DMRTA2: variants seen among roughly 807,000 people sequenced by gnomAD.
DMRTA2 encodes the protein DMRT like family A2, also known as doublesex- and mab-3-related transcription factor A2.
DMRTA2 carries 10 observed loss-of-function variants against 29.7 expected under a neutral mutation model. The observed-to-expected ratio is 0.34, with a 90% CI of 0.21 to 0.57. The LOEUF (loss-of-function observed/expected upper bound fraction) is 0.57. DMRTA2 is among the 20% of genes least tolerant of loss of function. The probability of loss-of-function intolerance (pLI) is 0.87; values close to 1 mark genes in which losing one functional copy is unlikely to be tolerated. For synonymous variants in DMRTA2, 469 were observed against 402.6 expected (o/e 1.16, Z -1.97); for missense variants, 783 against 812.1 (o/e 0.96, Z 0.44).
rs1646037616 is a variant in DMRTA2 at position 50,421,418 on chromosome 1, G to A, written c.119C>T (p.Ala40Val). 3 of 1,373,674 alleles carry A rather than the reference G, an allele frequency of 2.2e-6. No homozygotes were observed. The highest frequency in any genetic ancestry group is 2.8e-6 in the Non-Finnish European group (3 of 1,064,940). 85.1% of individuals were successfully genotyped at this position (1,373,674 alleles called of 1,614,324 possible). A position where few individuals can be genotyped will look rare whatever the true frequency, so the allele number is the denominator to read the frequency against. Residue 40 changes from alanine to valine, a missense_variant, in exon 2 of 3, where the codon GCA becomes GTA. This residue lies in a region of DMRTA2 where 76 missense variants were observed against 152.6 expected (regional missense o/e 0.50). Transcript: ENST00000404795. This position sits in a 1 kb window ranked among gnomAD's most constrained non-coding sequence, Gnocchi z 8.7. ...GCCTGCCACGCTCACCGGTAGCGAT[G>A]CAGCGGCCGCCGCGGCTGCCGCCAC... ...ASVAAAAAAA[A>V]SLPVSVAGGL...
rs373174538 is a variant in DMRTA2 at position 50,419,226 on chromosome 1, C to A, written c.1068G>T (p.Gly356=). The change falls in exon 3 of 3, where the codon GGG becomes GGT. Residue 356 remains glycine, a synonymous_variant. Coordinates refer to ENST00000404795, the MANE Select transcript of DMRTA2 (RefSeq NM_032110.3). This position sits in a 1 kb window ranked among gnomAD's most constrained non-coding sequence, Gnocchi z 6.1. Reference sequence around the variant, plus strand: ...CAGGGCCCAGGCCGGCCGCCAGGCCCCCACGGTGGTGGTTCAGCACCTGCT... The same window carrying A: ...CAGGGCCCAGGCCGGCCGCCAGGCCACCACGGTGGTGGTTCAGCACCTGCT... ...AIEQVLNHHR[G]GLAAGLGPAA... is the part of the protein sequence containing the mutation. 10 of 1,506,440 alleles carry A rather than the reference C, an allele frequency of 6.6e-6. No individual in the cohort carries two copies. In the African/African-American group the frequency reaches 1.4e-4, roughly 22 times the overall value. The allele number at this position is 1,506,440 out of a possible 1,614,324, so 93.3% of individuals were successfully genotyped here.
Position 50,421,382 on chromosome 1 carries a change from C to T in DMRTA2, c.155G>A (p.Arg52Gln), listed in dbSNP as rs1043992157. 6.4e-5 allele frequency: 96 copies of T among 1,493,550 alleles called. No homozygotes were observed. The highest frequency in any genetic ancestry group is 7.4e-5 in the Non-Finnish European group (83 of 1,122,974). 92.5% of individuals were successfully genotyped at this position (1,493,550 alleles called of 1,614,324 possible). A position where few individuals can be genotyped will look rare whatever the true frequency, so the allele number is the denominator to read the frequency against. The change falls in exon 2 of 3, where the codon CGG becomes CAG. Residue 52 changes from arginine (R) to glutamine (Q), a missense_variant. By Grantham distance (43) the Arg-to-Gln change is conservative. This residue lies in a region of DMRTA2 where 76 missense variants were observed against 152.6 expected (regional missense o/e 0.50). Coordinates refer to ENST00000404795, the MANE Select transcript of DMRTA2 (RefSeq NM_032110.3). This position sits in a 1 kb window ranked among gnomAD's most constrained non-coding sequence, Gnocchi z 8.7. ...TGCCCGCAGCAACAGTGGCGGCCCC[C>T]GCAGCAAGCCGCCTGCCACGCTCAC... ...LPVSVAGGLL[R>Q]GPPLLLRAAE... is the part of the protein sequence containing the mutation.
At position 50,421,448 on chromosome 1, in the gene DMRTA2, G is replaced by A; in HGVS notation, c.89C>T (p.Ala30Val). The A allele has an allele frequency of 7.5e-7, 1 of 1,324,942 alleles. No individual in the cohort carries two copies. Among genetic ancestry groups the A allele is most frequent in the Non-Finnish European group, 9.6e-7 (1 of 1,042,902 alleles). The allele number at this position is 1,324,942 out of a possible 1,614,324, so 82.1% of individuals were successfully genotyped here. The change falls in exon 2 of 3, where the codon GCG (alanine) becomes GTG (valine). Residue 30 changes from alanine (A) to valine (V), a missense_variant. By Grantham distance (64) the Ala-to-Val change is moderately conservative (BLOSUM62 0). Coordinates refer to ENST00000404795, the MANE Select transcript of DMRTA2 (RefSeq NM_032110.3). The surrounding 1 kb of genome is among the most constrained non-coding windows in gnomAD (Gnocchi z 8.7). ...GGCCGCCGCGGCTGCCGCCACCGAC[G>A]CCACCGACGCCACAGGCGGCCCCGT... is the stretch of plus-strand genomic sequence containing the variant. ...TATGPPVASV[A>V]SVAAAAAAAA... is the part of the protein sequence containing the mutation.
rs771076492 is a variant in DMRTA2 at position 50,418,833 on chromosome 1, G to A, written c.1461C>T (p.Ser487=). ...CGAGCGTGGGCACCAAGCCGGCAGT[G>A]GAGTAGGGCGCCATGAAGGCCAGAC... The part of the protein sequence containing the change: ...SRGLAFMAPY[S]TAGLVPTLGF... The change falls in exon 3 of 3, where the codon TCC becomes TCT. Residue 487 remains serine, a synonymous_variant. Coordinates refer to ENST00000404795, the MANE Select transcript of DMRTA2 (RefSeq NM_032110.3). 1.3e-6 allele frequency: 2 copies of A among 1,581,272 alleles called. No individual in the cohort carries two copies. The highest frequency in any genetic ancestry group is 8.6e-7 in the Non-Finnish European group (1 of 1,167,182).
Position 50,421,101 on chromosome 1 carries a change from C to T in DMRTA2, c.436G>A (p.Gly146Ser). ...TAGGCGGGCCTCGGGGGGATGATGC[C>T]GTTGGCGGCGGCCAGCGCCAGCCCC... ...AEGLALAAAN[G>S]IIPPRPAYEV... The change falls in exon 2 of 3, where the codon GGC (glycine) becomes AGC (serine). Residue 146 changes from glycine to serine, a missense_variant. Transcript: ENST00000404795. This position sits in a 1 kb window ranked among gnomAD's most constrained non-coding sequence, Gnocchi z 8.7. 6.6e-7 allele frequency: 1 copy of T among 1,524,490 alleles called. No homozygotes were observed. 94.4% of individuals were successfully genotyped at this position (1,524,490 alleles called of 1,614,324 possible). A position where few individuals can be genotyped will look rare whatever the true frequency, so the allele number is the denominator to read the frequency against.
chr1:50,418,914 C>T lies in DMRTA2; in HGVS notation c.1380G>A (p.Pro460=). ...CCAGGCGCAGGGGGCTGAGGCCGAG[C>T]GGCGCGCCCAGCGGGTAGGCGCCCG... ...ADAGAYPLGA[P]LGLSPLRLAY... is the part of the protein sequence containing the mutation. The change falls in exon 3 of 3, where the codon CCG becomes CCA. Residue 460 remains proline, a synonymous_variant. Transcript: ENST00000404795. The T allele has an allele frequency of 1.4e-6, 2 of 1,440,234 alleles. No homozygotes were observed. Among genetic ancestry groups the T allele is most frequent in the South Asian group, 2.9e-5 (2 of 68,250 alleles). The allele number at this position is 1,440,234 out of a possible 1,614,324, so 89.2% of individuals were successfully genotyped here.
In DMRTA2 at chr1:50,419,130, G is replaced by A. The variant is rs1452063057; in HGVS notation, c.1164C>T (p.Asp388=). The change falls in exon 3 of 3, where the codon GAC becomes GAT. Residue 388 remains aspartate, a synonymous_variant. Coordinates refer to ENST00000404795, the MANE Select transcript of DMRTA2 (RefSeq NM_032110.3). The surrounding 1 kb of genome is among the most constrained non-coding windows in gnomAD (Gnocchi z 6.1). ...AADDAWPSRV[D]AAAAAAAAAG... ...CGGCGGCGGCGGCGGCGGCGGCGGC[G>A]TCGACGCGGCTGGGCCACGCGTCGT... is the stretch of plus-strand genomic sequence containing the variant. The A allele has an allele frequency of 2.5e-6, 3 of 1,191,970 alleles. No homozygotes were observed. The highest frequency in any genetic ancestry group is 3.6e-5 in the East Asian group (1 of 27,688). The allele number at this position is 1,191,970 out of a possible 1,614,324, so 73.8% of individuals were successfully genotyped here. A position where few individuals can be genotyped will look rare whatever the true frequency, so the allele number is the denominator to read the frequency against.
chr1:50,421,500 C>G lies in DMRTA2; in HGVS notation c.37G>C (p.Ala13Pro). The G allele has an allele frequency of 7.9e-7, 1 of 1,271,958 alleles. No individual in the cohort carries two copies. The highest frequency in any genetic ancestry group is 9.8e-7 in the Non-Finnish European group (1 of 1,015,412). The allele number at this position is 1,271,958 out of a possible 1,614,324, so 78.8% of individuals were successfully genotyped here. ...LRSELPSVPG[A>P]ATAAAATATG... ...GCTGTTGCCGCCGCCGCCGTCGCCG[C>G]GCCGGGCACGCTGGGCAGCTCCGAG... Residue 13 changes from alanine to proline, a missense_variant, in exon 2 of 3, where the codon GCG becomes CCG. Ala to Pro is a conservative substitution (Grantham distance 27, BLOSUM62 -1). Transcript: ENST00000404795. The surrounding 1 kb of genome is among the most constrained non-coding windows in gnomAD (Gnocchi z 8.7).
chr1:50,421,438 C>T lies in DMRTA2; in HGVS notation c.99G>A (p.Ala33=). 1.5e-6 allele frequency: 2 copies of T among 1,321,710 alleles called. No individual in the cohort carries two copies. The highest frequency in any genetic ancestry group is 1.9e-6 in the Non-Finnish European group (2 of 1,040,652). The allele number at this position is 1,321,710 out of a possible 1,614,324, so 81.9% of individuals were successfully genotyped here. The part of the protein sequence containing the change: ...GPPVASVASV[A]AAAAAAASLP... ...GCGATGCAGCGGCCGCCGCGGCTGC[C>T]GCCACCGACGCCACCGACGCCACAG... Residue 33 remains alanine (A), a synonymous_variant, in exon 2 of 3, where the codon GCG becomes GCA. Transcript: ENST00000404795. The surrounding 1 kb of genome is among the most constrained non-coding windows in gnomAD (Gnocchi z 8.7).
rs1362163258 is a variant in DMRTA2 at position 50,421,231 on chromosome 1, G to T, written c.306C>A (p.Ile102=). Residue 102 remains isoleucine (I), a synonymous_variant, in exon 2 of 3, where the codon ATC becomes ATA. Coordinates refer to ENST00000404795, the MANE Select transcript of DMRTA2 (RefSeq NM_032110.3). This position sits in a 1 kb window ranked among gnomAD's most constrained non-coding sequence, Gnocchi z 8.7. ...CCGCCATGACACGCTGGCGCTCCGC[G>T]ATGAGCGTGCACTTGGCGCACAGGC... The part of the protein sequence containing the change: ...KDCLCAKCTL[I]AERQRVMAAQ... 6 of 1,537,276 alleles carry T rather than the reference G, an allele frequency of 3.9e-6. No individual in the cohort carries two copies. The highest frequency in any genetic ancestry group is 5.3e-6 in the Non-Finnish European group (6 of 1,141,512).
chr1:50,421,488 C>CCGCCGT lies in DMRTA2; in HGVS notation c.43_48dup (p.Thr15_Ala16dup). On this transcript the variant is annotated inframe_insertion, in exon 2 of 3. Coordinates refer to ENST00000404795, the MANE Select transcript of DMRTA2 (RefSeq NM_032110.3). This position sits in a 1 kb window ranked among gnomAD's most constrained non-coding sequence, Gnocchi z 8.7. ...GGCGGCCCCGTCGCTGTTGCCGCCG[C>CCGCCGT]CGCCGTCGCCGCGCCGGGCACGCTG... is the stretch of plus-strand genomic sequence containing the variant. 1.6e-6 allele frequency: 2 copies of CCGCCGT among 1,272,606 alleles called. No homozygotes were observed. Among genetic ancestry groups the CCGCCGT allele is most frequent in the Non-Finnish European group, 2.0e-6 (2 of 1,015,752 alleles). 78.8% of individuals were successfully genotyped at this position (1,272,606 alleles called of 1,614,324 possible).
chr1:50,421,492 C>T lies in DMRTA2; in HGVS notation c.45G>A (p.Thr15=). Residue 15 remains threonine, a synonymous_variant, in exon 2 of 3, where the codon ACG becomes ACA. Coordinates refer to ENST00000404795, the MANE Select transcript of DMRTA2 (RefSeq NM_032110.3). This position sits in a 1 kb window ranked among gnomAD's most constrained non-coding sequence, Gnocchi z 8.7. ...GCCCCGTCGCTGTTGCCGCCGCCGC[C>T]GTCGCCGCGCCGGGCACGCTGGGCA... ...SELPSVPGAA[T]AAAATATGPP... The T allele has an allele frequency of 7.9e-7, 1 of 1,272,136 alleles. No homozygotes were observed. The highest frequency in any genetic ancestry group is 9.8e-7 in the Non-Finnish European group (1 of 1,015,464). The allele number at this position is 1,272,136 out of a possible 1,614,324, so 78.8% of individuals were successfully genotyped here. A position where few individuals can be genotyped will look rare whatever the true frequency, so the allele number is the denominator to read the frequency against.
rs1646034942 is a variant in DMRTA2 at position 50,421,115 on chromosome 1, A to G, written c.422T>C (p.Leu141Pro). The G allele has an allele frequency of 6.6e-7, 1 of 1,526,404 alleles. No individual in the cohort carries two copies. The highest frequency in any genetic ancestry group is 8.8e-7 in the Non-Finnish European group (1 of 1,140,952). The allele number at this position is 1,526,404 out of a possible 1,614,324, so 94.6% of individuals were successfully genotyped here. Residue 141 changes from leucine (L) to proline (P), a missense_variant, in exon 2 of 3, where the codon CTG becomes CCG. Leu to Pro is a moderately conservative substitution (Grantham distance 98). This residue lies in a region of DMRTA2 where 667 missense variants were observed against 624.8 expected (regional missense o/e 1.07). Transcript: ENST00000404795. This position sits in a 1 kb window ranked among gnomAD's most constrained non-coding sequence, Gnocchi z 8.7. ...GGGGATGATGCCGTTGGCGGCGGCCAGCGCCAGCCCCTCGGCAGTGCCGTA... is the reference window on the plus strand; with the variant it reads ...GGGGATGATGCCGTTGGCGGCGGCCGGCGCCAGCCCCTCGGCAGTGCCGTA... ...LLYGTAEGLA[L>P]AAANGIIPPR...
chr1:50,419,342 C>T lies in DMRTA2; in HGVS notation c.952G>A (p.Asp318Asn), dbSNP rs778347018. Residue 318 changes from aspartate (D) to asparagine (N), a missense_variant, in exon 3 of 3, where the codon GAT (aspartate) becomes AAT (asparagine). Coordinates refer to ENST00000404795, the MANE Select transcript of DMRTA2 (RefSeq NM_032110.3). This position sits in a 1 kb window ranked among gnomAD's most constrained non-coding sequence, Gnocchi z 6.1. Reference protein sequence around the residue: ...GSGPRQRTPLDILTRVFPGHR... With the variant: ...GSGPRQRTPLNILTRVFPGHR... ...CCTGGGAACACGCGTGTCAAGATAT[C>T]CAGCGGCGTCCGCTGCCGTGGACCC... The T allele has an allele frequency of 6.3e-7, 1 of 1,596,948 alleles. No homozygotes were observed. Among genetic ancestry groups the T allele is most frequent in the South Asian group, 1.1e-5 (1 of 90,778 alleles).
In DMRTA2 at chr1:50,421,243, C is replaced by T. The variant is rs200269153; in HGVS notation, c.294G>A (p.Lys98=). Residue 98 remains lysine (K), a synonymous_variant, in exon 2 of 3, where the codon AAG becomes AAA. Transcript: ENST00000404795. The surrounding 1 kb of genome is among the most constrained non-coding windows in gnomAD (Gnocchi z 8.7). ...GCTGGCGCTCCGCGATGAGCGTGCA[C>T]TTGGCGCACAGGCAGTCCTTCCAGC... ...YCRWKDCLCA[K]CTLIAERQRV... 867 of 1,536,712 alleles carry T rather than the reference C, an allele frequency of 5.6e-4. 3 individuals are homozygous for T. In the African/African-American group the frequency reaches 0.011, roughly 20 times the overall value.
rs1646028273 is a variant in DMRTA2 at position 50,420,570 on chromosome 1, A to C, written c.559+408T>G. Among the ~76,000 whole-genome samples, 1 of 151,508 alleles carries C rather than the reference A, an allele frequency of 6.6e-6. No individual in the cohort carries two copies. Among genetic ancestry groups the C allele is most frequent in the South Asian group, 2.1e-4 (1 of 4,808 alleles). ...AGGGCGTCTCAAAACCTAGGGTGTC[A>C]GTTAAAGGGGGGGGGATTCCTTAAG... On this transcript the variant is annotated intron_variant, in intron 2 of 2. Transcript: ENST00000404795. This position sits in a 1 kb window ranked among gnomAD's most constrained non-coding sequence, Gnocchi z 4.1.
At position 50,422,083 on chromosome 1, in the gene DMRTA2, G is replaced by A. The variant is rs942408460; in HGVS notation, c.-8-539C>T. Among the ~76,000 whole-genome samples, 51 of 152,308 alleles carry A rather than the reference G, an allele frequency of 3.3e-4. No individual in the cohort carries two copies. Among genetic ancestry groups the A allele is most frequent in the Admixed American group, 1.1e-3 (17 of 15,308 alleles). ...ATGTGAAGGCGCAGATGTGAAGGCC[G>A]GTTGGGCCGGAGTTTTGTTTCTTTT... On this transcript the variant is annotated intron_variant, in intron 1 of 2. Transcript: ENST00000404795. The surrounding 1 kb of genome is among the most constrained non-coding windows in gnomAD (Gnocchi z 5.7).
At position 50,419,580 on chromosome 1, in the gene DMRTA2, G is replaced by A; in HGVS notation, c.714C>T (p.Gly238=). Residue 238 remains glycine, a synonymous_variant, in exon 3 of 3, where the codon GGC becomes GGT. Coordinates refer to ENST00000404795, the MANE Select transcript of DMRTA2 (RefSeq NM_032110.3). The surrounding 1 kb of genome is among the most constrained non-coding windows in gnomAD (Gnocchi z 6.1). ...TSSPEVRPGS[G]SENGDGESFS... is the part of the protein sequence containing the mutation. The stretch of plus-strand genomic sequence containing the variant: ...AGGACTCGCCATCGCCGTTCTCCGA[G>A]CCTGAGCCGGGCCGCACCTCTGGGG... 1 of 1,557,328 alleles carries A rather than the reference G, an allele frequency of 6.4e-7. No individual in the cohort carries two copies. Among genetic ancestry groups the A allele is most frequent in the South Asian group, 1.2e-5 (1 of 83,268 alleles).
Position 50,419,207 on chromosome 1 carries a change from C to T in DMRTA2, c.1087G>A (p.Gly363Ser). 1 of 1,455,074 alleles carries T rather than the reference C, an allele frequency of 6.9e-7. No individual in the cohort carries two copies. The highest frequency in any genetic ancestry group is 9.0e-7 in the Non-Finnish European group (1 of 1,111,318). The allele number at this position is 1,455,074 out of a possible 1,614,324, so 90.1% of individuals were successfully genotyped here. A position where few individuals can be genotyped will look rare whatever the true frequency, so the allele number is the denominator to read the frequency against. ...GCCTTATCTGGGGGCGCCGCAGGGCCCAGGCCGGCCGCCAGGCCCCCACGG... is the reference window on the plus strand; with the variant it reads ...GCCTTATCTGGGGGCGCCGCAGGGCTCAGGCCGGCCGCCAGGCCCCCACGG... ...HHRGGLAAGL[G>S]PAAPPDKAAV... The change falls in exon 3 of 3, where the codon GGC (glycine) becomes AGC (serine). Residue 363 changes from glycine to serine, a missense_variant. By Grantham distance (56) the Gly-to-Ser change is moderately conservative (BLOSUM62 0). Around this residue, in one of 3 missense-constraint regions of DMRTA2, gnomAD observed 667 missense variants for 624.8 expected, o/e 1.07. Transcript: ENST00000404795. This position sits in a 1 kb window ranked among gnomAD's most constrained non-coding sequence, Gnocchi z 6.1.
Sources: allele counts gnomAD v4.1 joint callset (sites outside exome capture counted in the v4.1 genomes callset), GRCh38; gene constraint gnomAD v4.1.1; regional missense constraint gnomAD v4.1.1; non-coding constraint Gnocchi (gnomAD v3.1); transcripts MANE v1.5; gene names NCBI Gene and HGNC (gene_info 2026-07-23, HGNC 2026-07-21).